Variants in FLVCR2 observed in about 807,000 individuals in gnomAD.
FLVCR2 encodes the protein choline/ethanolamine transporter FLVCR2.
A neutral mutation model predicts 48.9 loss-of-function variants in FLVCR2; 38 were observed. The observed-to-expected ratio is 0.78, with a 90% CI of 0.60 to 1.02. FLVCR2 has a LOEUF of 1.02. Ranked by LOEUF, FLVCR2 falls within the 50% of genes least tolerant of loss-of-function variation. The probability of loss-of-function intolerance (pLI) is 0.00; values close to 1 mark genes in which losing one functional copy is unlikely to be tolerated. For synonymous variants in FLVCR2, 255 were observed against 257.0 expected (o/e 0.99, Z 0.07); for missense variants, 664 against 663.3 (o/e 1.00, Z -0.01).
At chr14:75,623,133 C>T (rs1224253063) in intron 2 of FLVCR2, among the ~76,000 whole-genome samples, 1 of 152,126 alleles carries the variant, frequency 6.6e-6, no homozygotes, top group East Asian at 1.9e-4. Context: ...AGGTGCCTGT[C>T]ACCATGTCCG....
intron 1 of FLVCR2, among the ~76,000 whole-genome samples, chr14:75,587,125 C>A (rs1040285923): frequency 2.0e-5 from 3 of 152,112 alleles, no homozygotes; most frequent in African/African-American, 4.8e-5. Flanking sequence ...CATTATTTAA[C>A]TTAATCCTTT....
intron 3 of FLVCR2, chr14:75,632,946 C>T: frequency 2.8e-6 from 2 of 702,366 alleles, no homozygotes; most frequent in Non-Finnish European, 5.2e-6. Flanking sequence ...GGCCTTTTCT[C>T]CTTTGGGTCA....
intron 5 of FLVCR2, among the ~76,000 whole-genome samples, chr14:75,637,523 G>A (rs931797551): frequency 3.3e-5 from 5 of 152,018 alleles, no homozygotes; most frequent in Non-Finnish European, 7.4e-5. Flanking sequence ...TCAGGAGATC[G>A]AGACCACCCT....
chr14:75,584,182 T>A (rs2140003213), intron 1 of FLVCR2, among the ~76,000 whole-genome samples: 1 of 152,314 alleles, frequency 6.6e-6, no homozygotes, highest in South Asian at 2.1e-4. Context: ...CTGGGAGCTG[T>A]GGCTTGGATG....
chr14:75,590,829 G>C (rs1888861290), intron 1 of FLVCR2, among the ~76,000 whole-genome samples: 1 of 152,314 alleles, frequency 6.6e-6, no homozygotes, highest in South Asian at 2.1e-4. Context: ...GCAGAACTGG[G>C]AGCAAATTAA....
At chr14:75,641,096 G>T (rs534850924) in intron 7 of FLVCR2, 36 bp downstream of exon 7, 1 of 1,583,062 alleles carries the variant, frequency 6.3e-7, no homozygotes, top group East Asian at 2.2e-5. Flanking sequence ...TCCTGGCTGG[G>T]AAGGCATTGC....
Position 75,622,229 on chromosome 14 carries a change from A to G in FLVCR2, c.811+9A>G. The G allele has an allele frequency of 1.2e-6, 2 of 1,613,866 alleles. No homozygotes were observed. Among genetic ancestry groups the G allele is most frequent in the Non-Finnish European group, 1.7e-6 (2 of 1,179,746 alleles). ...CATCCTTGTCATCATTGGTAAGGTC[A>G]TTAGTAAACAGATGGGGTAGCAGGG... On this transcript the variant is annotated intron_variant, in intron 2 of 9. Transcript: ENST00000238667.
intron 1 of FLVCR2, chr14:75,605,744 A>G (rs965015492): frequency 2.5e-5 from 24 of 966,548 alleles, no homozygotes; most frequent in African/African-American, 2.4e-4. Flanking sequence ...GAGGAGTTGA[A>G]CACAAGTATT....
rs1050414914 is a variant in FLVCR2 at position 75,612,835 on chromosome 14, G to C, written c.670-9244G>C. ...TCGACTACATGTCCCAAGGTAGCTT[G>C]CCTGGCAGAGTGCCTTCACTCTAGC... On this transcript the variant is annotated intron_variant, in intron 1 of 9. Coordinates refer to ENST00000238667, the MANE Select transcript of FLVCR2 (RefSeq NM_017791.3). Among the ~76,000 whole-genome samples, 3 of 152,192 alleles carry C rather than the reference G, an allele frequency of 2.0e-5. No homozygotes were observed. In the South Asian group the frequency reaches 6.2e-4, roughly 32 times the overall value.
At position 75,633,608 on chromosome 14, in the gene FLVCR2, AT is replaced by A. The variant is rs774571869; in HGVS notation, c.953-18del. On this transcript the variant is annotated intron_variant, in intron 3 of 9. Coordinates refer to ENST00000238667, the MANE Select transcript of FLVCR2 (RefSeq NM_017791.3). ...AGAAGAAAGCTGACCCTAATGTTGT[AT>A]TTCTCGCTCCCTTCTTCAGGTCTGA... The A allele has an allele frequency of 2.5e-6, 4 of 1,607,212 alleles. No individual in the cohort carries two copies. Among genetic ancestry groups the A allele is most frequent in the Non-Finnish European group, 3.4e-6 (4 of 1,173,922 alleles).
At chr14:75,643,948 T>A (rs1890358367) in intron 9 of FLVCR2, among the ~76,000 whole-genome samples, 1 of 151,440 alleles carries the variant, frequency 6.6e-6, no homozygotes. Flanking sequence ...CGCACGCTTG[T>A]AATCCCAGCT....
chr14:75,641,947 T>C, intron 9 of FLVCR2, 49 bp downstream of exon 9: 1 of 1,541,052 alleles, frequency 6.5e-7, no homozygotes, highest in Non-Finnish European at 9.0e-7. Context: ...CCAAGGCTTT[T>C]GATGAGGATG....
intron 1 of FLVCR2, among the ~76,000 whole-genome samples, chr14:75,603,435 A>G (rs1382984906): frequency 6.6e-6 from 1 of 152,214 alleles, no homozygotes; most frequent in South Asian, 2.1e-4. Context: ...GCCAGACCTC[A>G]GGGGTGGAAT....
chr14:75,582,345 T>A lies in FLVCR2; in HGVS notation c.669+2704T>A, dbSNP rs965129397. On this transcript the variant is annotated intron_variant, in intron 1 of 9. Coordinates refer to ENST00000238667, the MANE Select transcript of FLVCR2 (RefSeq NM_017791.3). ...AGTCAGTATAAATATTGACATGTAG[T>A]CCCTTCGCAAGAGTGAGGGCTCGAG... is the stretch of plus-strand genomic sequence containing the variant. Among the ~76,000 whole-genome samples, 14 of 152,116 alleles carry A rather than the reference T, an allele frequency of 9.2e-5. No individual in the cohort carries two copies. The East Asian group carries it at 2.3e-3, about 25-fold the overall frequency.
intron 1 of FLVCR2, among the ~76,000 whole-genome samples, chr14:75,601,433 C>G (rs1376427657): frequency 6.6e-6 from 1 of 152,070 alleles, no homozygotes; most frequent in Non-Finnish European, 1.5e-5. Context: ...TCCCAACAGT[C>G]AATAGCACCT....
intron 9 of FLVCR2, among the ~76,000 whole-genome samples, chr14:75,642,627 C>T (rs1890328154): frequency 1.3e-5 from 2 of 152,044 alleles, no homozygotes; most frequent in African/African-American, 4.8e-5. Context: ...GTAATACATG[C>T]TCTTTGTAGA....
rs573951578 is a variant in FLVCR2, at chr14:75,641,036, C to G, written c.1317C>G (p.Ser439=). 1.4e-5 allele frequency: 23 copies of G among 1,613,710 alleles called. No individual in the cohort carries two copies. The African/African-American group carries it at 2.5e-4, about 18-fold the overall frequency. ...LTYPESEGIS[S]GLLNISAQVF... The stretch of plus-strand genomic sequence containing the variant: ...ACCCAGAATCAGAAGGCATCTCCTC[C>G]GGCCTCCTCAACATATCTGCACAGG... The change falls in exon 7 of 10, where the codon TCC becomes TCG. Residue 439 remains serine, a synonymous_variant. Coordinates refer to ENST00000238667, the MANE Select transcript of FLVCR2 (RefSeq NM_017791.3).
chr14:75,597,529 C>T (rs1889055083), intron 1 of FLVCR2, among the ~76,000 whole-genome samples: 1 of 151,956 alleles, frequency 6.6e-6, no homozygotes, highest in African/African-American at 2.4e-5. Flanking sequence ...CCCACACAGA[C>T]TGTCTTAACC....
intron 1 of FLVCR2, among the ~76,000 whole-genome samples, chr14:75,612,671 C>T (rs994028222): frequency 2.0e-5 from 3 of 152,130 alleles, no homozygotes; most frequent in Admixed American, 1.3e-4. Flanking sequence ...CCTGGGTGCT[C>T]GGGGCTCATT....
Sources: gnomAD v4.1 joint callset for allele counts (sites outside exome capture counted in the v4.1 genomes callset) on GRCh38, gnomAD v4.1.1 for gene constraint, MANE v1.5 for transcripts, NCBI Gene and HGNC (gene_info 2026-07-23, HGNC 2026-07-21) for gene names.